Variants in RAG1 observed in about 807,000 individuals in gnomAD.
The protein encoded by RAG1 is recombination activating 1.
Under a neutral mutation model 62.7 loss-of-function variants are expected in RAG1, and 35 were observed. The observed-to-expected ratio is 0.56, with a 90% CI of 0.43 to 0.74. The LOEUF is 0.74. RAG1 is among the 30% of genes least tolerant of loss of function. The probability of loss-of-function intolerance (pLI) is 0.00; values close to 1 mark genes in which losing one functional copy is unlikely to be tolerated. For synonymous variants in RAG1, 461 were observed against 470.3 expected (o/e 0.98, Z 0.26); for missense variants, 1,169 against 1,278.6 (o/e 0.91, Z 1.31).
At chr11:36,572,175 A>G (rs929194886) in intron 1 of RAG1, among the ~76,000 whole-genome samples, 2 of 152,228 alleles carry the variant, frequency 1.3e-5, no homozygotes, top group Non-Finnish European at 2.9e-5. Flanking sequence ...CTGGTGGGTC[A>G]AAAGAATTAA....
intron 3 of RAG1, among the ~76,000 whole-genome samples, chr11:36,542,070 A>C (rs1423916679): frequency 6.6e-6 from 1 of 152,106 alleles, no homozygotes; most frequent in Non-Finnish European, 1.5e-5. Flanking sequence ...CTGTCATTAA[A>C]AGTCTCACTT....
rs569825714 is a variant in RAG1, at chr11:36,515,683, G to A, written n.331-4449G>A. Among the ~76,000 whole-genome samples the A allele has an allele frequency of 7.2e-5, 11 of 152,284 alleles. 1 individual carries two copies. In the South Asian group the frequency reaches 2.3e-3, roughly 32 times the overall value. ...GTGACAAAGAGGGAAGGGAAGGTGT[G>A]TGGACATGTGGATTTGTGCAGGGAG... On this transcript the variant is annotated intron_variant and non_coding_transcript_variant, in intron 1 of 2. Transcript: ENST00000529126.
At chr11:36,539,386 T>A (rs1191663080), downstream of RAG1, among the ~76,000 whole-genome samples, 2 of 152,234 alleles carry the variant, frequency 1.3e-5, no homozygotes, top group Non-Finnish European at 2.9e-5. Flanking sequence ...TGTGGTGTTT[T>A]GTTATGGCAG....
At chr11:36,559,010 T>A (rs1282287444) in intron 3 of RAG1, among the ~76,000 whole-genome samples, 1 of 152,206 alleles carries the variant, frequency 6.6e-6, no homozygotes, top group African/African-American at 2.4e-5. Flanking sequence ...GCTCCCTTAA[T>A]CATTTCTTGT....
chr11:36,540,847 T>C (rs537652897), downstream of RAG1, among the ~76,000 whole-genome samples: 1 of 152,336 alleles, frequency 6.6e-6, no homozygotes, highest in South Asian at 2.1e-4. Flanking sequence ...GATTCGTCTC[T>C]CCATTTTTTA....
intron 3 of RAG1, among the ~76,000 whole-genome samples, chr11:36,549,009 A>G (rs1850443049): frequency 6.6e-6 from 1 of 152,174 alleles, no homozygotes; most frequent in African/African-American, 2.4e-5. Flanking sequence ...CCTGACAAAA[A>G]CAAGCAATGG....
At chr11:36,549,492 A>T (rs1264891262) in intron 3 of RAG1, among the ~76,000 whole-genome samples, 3 of 152,224 alleles carry the variant, frequency 2.0e-5, no homozygotes, top group Admixed American at 1.3e-4. Flanking sequence ...TCAAAAGAAG[A>T]CATTTATGCA....
intron 1 of RAG1, among the ~76,000 whole-genome samples, chr11:36,517,726 CA>C (rs2133692183): frequency 6.6e-6 from 1 of 152,256 alleles, no homozygotes; most frequent in Admixed American, 6.5e-5. Flanking sequence ...ATGCATCCAC[CA>C]AAAAGTCACT....
At position 36,576,090 on chromosome 11, in the gene RAG1, A is replaced by G. The variant is rs1332456094; in HGVS notation, c.2786A>G (p.Tyr929Cys). The G allele has an allele frequency of 6.2e-7, 1 of 1,613,950 alleles. No individual in the cohort carries two copies. Among genetic ancestry groups the G allele is most frequent in the Non-Finnish European group, 8.5e-7 (1 of 1,180,042 alleles). Residue 929 changes from tyrosine to cysteine, a missense_variant, in exon 2 of 2, where the codon TAT becomes TGT. Physicochemically the swap from Tyr to Cys is radical, Grantham distance 194. Coordinates refer to ENST00000299440, the MANE Select transcript of RAG1 (RefSeq NM_000448.3). ...GAGCTCCTTTCTACGAAGTTCAAGT[A>G]TAGGTATGAGGGAAAAATCACCAAT... ...FAELLSTKFK[Y>C]RYEGKITNYF...
At chr11:36,528,355 A>G (rs962919067) in intron 2 of RAG1, among the ~76,000 whole-genome samples, 2 of 152,168 alleles carry the variant, frequency 1.3e-5, no homozygotes, top group African/African-American at 4.8e-5. Flanking sequence ...AAAACCACTC[A>G]ACTACATGGA....
intron 3 of RAG1, among the ~76,000 whole-genome samples, chr11:36,552,621 A>C (rs1850498273): frequency 6.3e-4 from 1 of 1,580 alleles, no homozygotes; most frequent in African/African-American, 7.1e-4. Context: ...ATTAGATCCC[A>C]TTTGTCAATT....
intron 2 of RAG1, among the ~76,000 whole-genome samples, chr11:36,531,578 T>G (rs1343937861): frequency 6.6e-6 from 1 of 151,978 alleles, no homozygotes. Flanking sequence ...ATTTTACTAA[T>G]TTGAGCGTAA....
chr11:36,516,195 T>C (rs1788055335), intron 1 of RAG1, among the ~76,000 whole-genome samples: 1 of 152,268 alleles, frequency 6.6e-6, no homozygotes, highest in Non-Finnish European at 1.5e-5. Context: ...GTATCTGATC[T>C]ACTTGTGAAT....
chr11:36,575,183 T>C lies in RAG1; in HGVS notation c.1879T>C (p.Phe627Leu). 1.2e-6 allele frequency: 2 copies of C among 1,614,186 alleles called. No homozygotes were observed. Among genetic ancestry groups the C allele is most frequent in the Non-Finnish European group, 1.7e-6 (2 of 1,180,018 alleles). ...VVPEKAVRFS[F>L]TIMKITIAHS... ...TCCAGAAAAGGCAGTCCGTTTTTCA[T>C]TCACAATCATGAAAATTACTATTGC... The change falls in exon 2 of 2, where the codon TTC becomes CTC. Residue 627 changes from phenylalanine to leucine, a missense_variant. Phe to Leu is a conservative substitution (Grantham distance 22). Coordinates refer to ENST00000299440, the MANE Select transcript of RAG1 (RefSeq NM_000448.3). This position sits in a 1 kb window ranked among gnomAD's most constrained non-coding sequence, Gnocchi z 4.1.
intron 3 of RAG1, among the ~76,000 whole-genome samples, chr11:36,558,584 C>T (rs370492193): frequency 1.3e-4 from 20 of 152,196 alleles, no homozygotes; most frequent in African/African-American, 4.3e-4. Context: ...AGCGTAGTTA[C>T]TCCTGCTTAC....
At chr11:36,565,750 G>A (rs1850652567), upstream of RAG1, 1 of 152,134 alleles carries the variant, frequency 6.6e-6, no homozygotes, top group Non-Finnish European at 1.5e-5. Flanking sequence ...AGGGACAATG[G>A]GCCATTATTT....
upstream of RAG1, chr11:36,566,561 G>A (rs1049276987): frequency 6.6e-6 from 1 of 152,230 alleles, no homozygotes; most frequent in African/African-American, 2.4e-5. Flanking sequence ...TGTAAGTCAT[G>A]TTATGACTCC....
At chr11:36,513,868 C>T (rs1026181428) in intron 1 of RAG1, among the ~76,000 whole-genome samples, 5 of 152,162 alleles carry the variant, frequency 3.3e-5, no homozygotes, top group African/African-American at 1.2e-4. Flanking sequence ...AGTTATCTCC[C>T]ACTGGGTCCC....
intron 3 of RAG1, among the ~76,000 whole-genome samples, chr11:36,547,012 G>A (rs955020640): frequency 6.6e-6 from 1 of 151,626 alleles, no homozygotes; most frequent in African/African-American, 2.4e-5. Flanking sequence ...TTTCAACCTT[G>A]GTGAATCTGA....
Sources: gnomAD v4.1 joint callset for allele counts (sites outside exome capture counted in the v4.1 genomes callset) on GRCh38, gnomAD v4.1.1 for gene constraint, Gnocchi (gnomAD v3.1) non-coding constraint, MANE v1.5 for transcripts, NCBI Gene and HGNC (gene_info 2026-07-23, HGNC 2026-07-21) for gene names.